GAS7: variants seen among roughly 807,000 people sequenced by gnomAD.
GAS7 encodes growth arrest specific 7.
A neutral mutation model predicts 71.1 loss-of-function variants in GAS7; 28 were observed. The observed-to-expected ratio is 0.39, with a 90% CI of 0.29 to 0.54. The LOEUF (loss-of-function observed/expected upper bound fraction) is 0.54, where lower values mean the gene tolerates loss of function less well. Among genes scored for constraint, GAS7 ranks in the 20% least tolerant of loss-of-function variants. The pLI is 0.62. For missense variants in GAS7, 436 were observed against 627.8 expected, an observed-to-expected ratio of 0.69 and a Z score of 3.27; for synonymous variants, 258 against 245.8, an observed-to-expected ratio of 1.05 and a Z score of -0.46.
At chr17:10,160,860 C>T (rs907242834) in intron 1 of GAS7, among the ~76,000 whole-genome samples, 2 of 151,780 alleles carry the variant, frequency 1.3e-5, no homozygotes, top group Non-Finnish European at 2.9e-5. Flanking sequence ...GAACTGCTGG[C>T]ATGAGCCACC....
intron 1 of GAS7, among the ~76,000 whole-genome samples, chr17:10,068,737 C>T (rs2073309102): frequency 6.6e-6 from 1 of 152,026 alleles, no homozygotes; most frequent in Admixed American, 6.6e-5. Context: ...GCAATCCAGC[C>T]TGGGTGACAG....
chr17:10,190,735 G>T (rs2074492029), intron 1 of GAS7, among the ~76,000 whole-genome samples: 1 of 151,920 alleles, frequency 6.6e-6, no homozygotes, highest in African/African-American at 2.4e-5. Context: ...TAGAGCAGGG[G>T]TGTCCAATCT....
intron 1 of GAS7, among the ~76,000 whole-genome samples, chr17:10,136,587 A>G (rs1386757756): frequency 6.6e-6 from 1 of 152,098 alleles, no homozygotes; most frequent in Non-Finnish European, 1.5e-5. Context: ...CCTCCACATG[A>G]CACCATCTCC....
At chr17:10,182,582 TGTGACA>T (rs2074424653) in intron 1 of GAS7, among the ~76,000 whole-genome samples, 1 of 152,228 alleles carries the variant, frequency 6.6e-6, no homozygotes, top group Admixed American at 6.5e-5. Context: ...GGGTTCACCC[TGTGACA>T]GATGGACATC....
At chr17:9,982,757 C>T (rs1159779759) in intron 2 of GAS7, among the ~76,000 whole-genome samples, 1 of 142,090 alleles carries the variant, frequency 7.0e-6, no homozygotes, top group African/African-American at 2.6e-5. Context: ...GCCTGGGAGA[C>T]AGAATGAGAC....
At chr17:10,005,161 G>A (rs796459626) in intron 2 of GAS7, among the ~76,000 whole-genome samples, 108 of 31,218 alleles carry the variant, frequency 3.5e-3, no homozygotes, top group South Asian at 0.013. Flanking sequence ...ATGCATGTGT[G>A]TGCGCACGCA....
chr17:10,000,307 G>A (rs1294716347), intron 2 of GAS7, among the ~76,000 whole-genome samples: 4 of 152,168 alleles, frequency 2.6e-5, no homozygotes, highest in East Asian at 1.9e-4. Context: ...ACCACACTTC[G>A]AGAAACACTG....
At chr17:10,145,981 G>C (rs1046901236) in intron 1 of GAS7, among the ~76,000 whole-genome samples, 1 of 152,174 alleles carries the variant, frequency 6.6e-6, no homozygotes, top group South Asian at 2.1e-4. Flanking sequence ...CAGGCCCTCT[G>C]AACCAGCAGA....
At chr17:10,074,114 A>G (rs2073368103) in intron 1 of GAS7, among the ~76,000 whole-genome samples, 1 of 152,184 alleles carries the variant, frequency 6.6e-6, no homozygotes, top group African/African-American at 2.4e-5. Flanking sequence ...GTATGCAACG[A>G]TAACAGGAGA....
intron 1 of GAS7, among the ~76,000 whole-genome samples, chr17:10,025,890 G>A (rs769455488): frequency 2.2e-4 from 33 of 152,192 alleles, no homozygotes; most frequent in Non-Finnish European, 4.0e-4. Flanking sequence ...ATTTTTATAA[G>A]CATGATTTGT....
chr17:10,196,295 TCA>T (rs2074540014), intron 1 of GAS7, among the ~76,000 whole-genome samples: 1 of 152,186 alleles, frequency 6.6e-6, no homozygotes, highest in Non-Finnish European at 1.5e-5. Flanking sequence ...TTCGCCTCTC[TCA>T]TATTCAGCTT....
chr17:10,084,019 C>A (rs768547798), intron 1 of GAS7, among the ~76,000 whole-genome samples: 7 of 152,072 alleles, frequency 4.6e-5, no homozygotes, highest in Non-Finnish European at 1.0e-4. Context: ...AGGGACCTGC[C>A]CCTGCCTACC....
intron 9 of GAS7, among the ~76,000 whole-genome samples, chr17:9,933,666 A>G (rs894983486): frequency 6.6e-6 from 1 of 152,108 alleles, no homozygotes; most frequent in African/African-American, 2.4e-5. Context: ...GAAAATAGCG[A>G]GACCCCATCT....
chr17:10,148,652 C>T (rs2142104923), intron 1 of GAS7, among the ~76,000 whole-genome samples: 1 of 150,730 alleles, frequency 6.6e-6, no homozygotes, highest in African/African-American at 2.4e-5. Flanking sequence ...TGGCTCACGC[C>T]TGTAATCCCA....
At chr17:9,971,729 AG>A (rs1403412828) in intron 3 of GAS7, among the ~76,000 whole-genome samples, 2 of 113,486 alleles carry the variant, frequency 1.8e-5, no homozygotes, top group East Asian at 5.1e-4. Flanking sequence ...TATACAATGC[AG>A]GTCAGACTGG....
At chr17:9,927,799 A>G (rs1192289783) in intron 9 of GAS7, among the ~76,000 whole-genome samples, 2 of 152,168 alleles carry the variant, frequency 1.3e-5, no homozygotes, top group Non-Finnish European at 2.9e-5. Flanking sequence ...ACAGGGTCCA[A>G]ACCTCGAGGA....
At chr17:10,125,191 T>C (rs560652772) in intron 1 of GAS7, among the ~76,000 whole-genome samples, 36 of 152,078 alleles carry the variant, frequency 2.4e-4, no homozygotes, top group African/African-American at 8.2e-4. Context: ...TATTTAATGA[T>C]AGAAATATAT....
intron 1 of GAS7, among the ~76,000 whole-genome samples, chr17:10,088,558 A>C (rs1292921510): frequency 2.6e-5 from 4 of 152,192 alleles, no homozygotes; most frequent in African/African-American, 9.7e-5. Context: ...CGCAGCACTA[A>C]TTGCCAAGCA....
At position 9,912,768 on chromosome 17, in the gene GAS7, G is replaced by A. The variant is rs2152058814; in HGVS notation, c.*4460C>T. The stretch of plus-strand genomic sequence containing the variant: ...CTGAAGGAAGCAGCAAGCTGGAAGT[G>A]GTCGTGCAAACAAGTTGAAGACCCT... On this transcript the variant is annotated 3_prime_UTR_variant, in exon 14 of 14. Coordinates refer to ENST00000432992, the MANE Select transcript of GAS7 (RefSeq NM_201433.2). 4.3e-6 allele frequency: 1 copy of A among 232,746 alleles called. No individual in the cohort carries two copies. Among genetic ancestry groups the A allele is most frequent in the East Asian group, 6.1e-5 (1 of 16,514 alleles). The allele number at this position is 232,746 out of a possible 1,614,324, so 14.4% of individuals were successfully genotyped here. A position where few individuals can be genotyped will look rare whatever the true frequency, so the allele number is the denominator to read the frequency against.
Sources: gnomAD v4.1 joint callset for allele counts (sites outside exome capture counted in the v4.1 genomes callset) on GRCh38, gnomAD v4.1.1 for gene constraint, MANE v1.5 for transcripts, NCBI Gene and HGNC (gene_info 2026-07-23, HGNC 2026-07-21) for gene names.